The following FAM133A variants were observed in gnomAD, a reference collection of about 807,000 sequenced individuals.
FAM133A encodes the protein protein FAM133A.
For missense variants in FAM133A, 159 were observed against 164.4 expected (o/e 0.97, Z 0.18); for synonymous variants, 65 against 58.6 (o/e 1.11, Z -0.50).
intron 3 of FAM133A, among the ~76,000 whole-genome samples, chrX:93,707,173 A>G (rs1480987539): frequency 1.8e-5 from 2 of 112,298 alleles, no homozygotes; most frequent in African/African-American, 3.2e-5. Flanking sequence ...GAACTGAAGT[A>G]TTTAAGAGTT....
intron 2 of FAM133A, among the ~76,000 whole-genome samples, chrX:93,696,268 A>T (rs1330286303): frequency 9.0e-6 from 1 of 111,166 alleles, no homozygotes; most frequent in Non-Finnish European, 1.9e-5. Flanking sequence ...GTATGCTTGG[A>T]GGTGAAGAAC....
intron 2 of FAM133A, among the ~76,000 whole-genome samples, chrX:93,682,410 T>C (rs1925227926): frequency 1.8e-5 from 2 of 112,187 alleles, no homozygotes; most frequent in Admixed American, 1.9e-4. Context: ...ATAAACATTA[T>C]AACAGAACCA....
rs1246011195 is a variant in FAM133A at position 93,711,083 on chromosome X, T to A, written c.*917T>A. On this transcript the variant is annotated 3_prime_UTR_variant, in exon 4 of 4. Coordinates refer to ENST00000683942, the MANE Select transcript of FAM133A (RefSeq NM_001171109.2). ...TCCTTTTTTAAGATATGATTTATGCTTAGGATATAAGTTTCAAGTTTTTAG... is the reference window on the plus strand; with the variant it reads ...TCCTTTTTTAAGATATGATTTATGCATAGGATATAAGTTTCAAGTTTTTAG... 2.4e-5 allele frequency: 3 copies of A among 123,140 alleles called. No individual in the cohort carries two copies. The highest frequency in any genetic ancestry group is 5.6e-5 in the Non-Finnish European group (3 of 53,207). 10.1% of individuals were successfully genotyped at this position (123,140 alleles called of 1,213,427 possible).
chrX:93,709,229 G>T (rs959948363), intron 3 of FAM133A, 88 bp from the exon 4 acceptor site: 3 of 508,762 alleles, frequency 5.9e-6, no homozygotes, highest in African/African-American at 5.0e-5. Context: ...TGTACTGTGT[G>T]ATAGGCAGTG....
At chrX:93,708,478 G>C (rs1287197391) in intron 3 of FAM133A, among the ~76,000 whole-genome samples, 1 of 111,836 alleles carries the variant, frequency 8.9e-6, no homozygotes, top group African/African-American at 3.2e-5. Flanking sequence ...AGACAATTTG[G>C]TGTTGCCTTA....
At chrX:93,707,208 A>G (rs898321089) in intron 3 of FAM133A, among the ~76,000 whole-genome samples, 13 of 112,144 alleles carry the variant, frequency 1.2e-4, no homozygotes, top group Non-Finnish European at 1.3e-4. Flanking sequence ...CAGAGACACA[A>G]TGATATTTGA....
intron 3 of FAM133A, among the ~76,000 whole-genome samples, chrX:93,699,742 G>A (rs1315783553): frequency 9.1e-6 from 1 of 109,503 alleles, no homozygotes. Flanking sequence ...ACCTCATGAC[G>A]CTTCATATGC....
chrX:93,678,926 A>T (rs1924914820), intron 2 of FAM133A, among the ~76,000 whole-genome samples: 1 of 112,339 alleles, frequency 8.9e-6, no homozygotes, highest in Admixed American at 9.5e-5. Flanking sequence ...AGACAGTCAC[A>T]GGAGCTGGAT....
intron 3 of FAM133A, among the ~76,000 whole-genome samples, chrX:93,708,797 A>G (rs776799379): frequency 8.9e-6 from 1 of 111,770 alleles, no homozygotes; most frequent in Non-Finnish European, 1.9e-5. Context: ...TTTGGAGACA[A>G]GTGAATGGAT....
intron 2 of FAM133A, among the ~76,000 whole-genome samples, chrX:93,679,065 T>C (rs2147580676): frequency 9.0e-6 from 1 of 111,430 alleles, no homozygotes; most frequent in East Asian, 2.8e-4. Flanking sequence ...GAGTTGCCAG[T>C]GTGTAGATGT....
At chrX:93,681,158 A>G (rs913312577) in intron 2 of FAM133A, among the ~76,000 whole-genome samples, 20 of 111,062 alleles carry the variant, frequency 1.8e-4, no homozygotes, top group African/African-American at 5.9e-4. Context: ...ATTTTATTTA[A>G]TTTTACTATA....
At chrX:93,700,033 A>G (rs777931313) in intron 3 of FAM133A, among the ~76,000 whole-genome samples, 35 of 110,213 alleles carry the variant, frequency 3.2e-4, no homozygotes, top group Non-Finnish European at 5.9e-4. Context: ...AGCCTCTGAT[A>G]CATGTTTTTT....
At chrX:93,677,164 G>T (rs547159397) in intron 2 of FAM133A, among the ~76,000 whole-genome samples, 6 of 109,257 alleles carry the variant, frequency 5.5e-5, no homozygotes, top group Middle Eastern at 4.7e-3. Context: ...TTGGCGGGGG[G>T]GCTAAATGTT....
Position 93,687,426 on chromosome X carries a change from A to G in FAM133A, c.-192-10971A>G, listed in dbSNP as rs960259140. Among the ~76,000 whole-genome samples, 11 of 111,230 alleles carry G rather than the reference A, an allele frequency of 9.9e-5. No individual in the cohort carries two copies. The East Asian group carries it at 2.3e-3, about 23-fold the overall frequency. On this transcript the variant is annotated intron_variant, in intron 2 of 3. Transcript: ENST00000683942. ...TGATTAGTGCACTAAAATCTCAGAA[A>G]TCACCACTAAAAAATTTATCCATGT...
At chrX:93,677,051 A>AT (rs750263068) in intron 2 of FAM133A, among the ~76,000 whole-genome samples, 10 of 110,714 alleles carry the variant, frequency 9.0e-5, no homozygotes, top group Non-Finnish European at 1.7e-4. Flanking sequence ...ACTGTGAAAT[A>AT]TAAGTATTAG....
At chrX:93,677,285 C>G (rs773530274) in intron 2 of FAM133A, among the ~76,000 whole-genome samples, 3 of 110,373 alleles carry the variant, frequency 2.7e-5, no homozygotes, top group Admixed American at 9.7e-5. Context: ...TACACACAAT[C>G]CCTTCCACCA....
intron 3 of FAM133A, among the ~76,000 whole-genome samples, chrX:93,699,261 A>G (rs1453611356): frequency 9.0e-6 from 1 of 111,479 alleles, no homozygotes; most frequent in Non-Finnish European, 1.9e-5. Context: ...GTTTGGCATA[A>G]CAAAAGTAGA....
intron 3 of FAM133A, among the ~76,000 whole-genome samples, chrX:93,700,561 G>A (rs928484681): frequency 1.6e-4 from 18 of 111,432 alleles, no homozygotes; most frequent in African/African-American, 5.9e-4. Context: ...TGGAAATATA[G>A]TCCTTTTTGA....
intron 2 of FAM133A, among the ~76,000 whole-genome samples, chrX:93,677,042 C>T (rs1452489169): frequency 9.1e-6 from 1 of 109,492 alleles, no homozygotes; most frequent in Non-Finnish European, 1.9e-5. Flanking sequence ...ATTTGTTCTA[C>T]TGTGAAATAT....
Sources: gnomAD v4.1 joint callset for allele counts (sites outside exome capture counted in the v4.1 genomes callset) on GRCh38, gnomAD v4.1.1 for gene constraint, MANE v1.5 for transcripts, NCBI Gene and HGNC (gene_info 2026-07-23, HGNC 2026-07-21) for gene names.